Variants in TEX11 observed in about 807,000 individuals in gnomAD.
TEX11 encodes the protein testis-expressed protein 11.
TEX11 carries 7 observed loss-of-function variants against 84.4 expected under a neutral mutation model. The ratio of observed to expected loss-of-function variants is 0.08; its 90% CI spans 0.05 to 0.16. TEX11 has a LOEUF of 0.16. TEX11 is among the 10% of genes least tolerant of loss of function. The pLI is 1.00. For missense variants in TEX11, 551 were observed against 660.5 expected, an observed-to-expected ratio of 0.83 and a Z score of 1.82; for synonymous variants, 264 against 222.8, an observed-to-expected ratio of 1.18 and a Z score of -1.64.
At chrX:70,782,644 G>GAAAAA (rs1837658811) in intron 9 of TEX11, among the ~76,000 whole-genome samples, 3 of 3,031 alleles carry the variant, frequency 9.9e-4, no homozygotes, top group African/African-American at 6.6e-3. Flanking sequence ...CAAATGGAAA[G>GAAAAA]CAAAAAAAAA....
At chrX:70,783,643 T>C (rs1357474231) in intron 9 of TEX11, among the ~76,000 whole-genome samples, 2 of 111,588 alleles carry the variant, frequency 1.8e-5, no homozygotes, top group Non-Finnish European at 1.9e-5. Context: ...ACAAAGGGGA[T>C]ATCACCACTG....
intron 13 of TEX11, among the ~76,000 whole-genome samples, chrX:70,686,231 T>C (rs2090187438): frequency 8.9e-6 from 1 of 112,059 alleles, no homozygotes; most frequent in African/African-American, 3.2e-5. Flanking sequence ...TAAAGATATA[T>C]GCACACGTAT....
At chrX:70,775,122 A>G (rs1408225167) in intron 9 of TEX11, among the ~76,000 whole-genome samples, 1 of 112,142 alleles carries the variant, frequency 8.9e-6, no homozygotes, top group Non-Finnish European at 1.9e-5. Context: ...GGTGCTAGGA[A>G]AATTAGATAT....
At chrX:70,880,979 G>C (rs1162157471) in intron 2 of TEX11, among the ~76,000 whole-genome samples, 2 of 93,802 alleles carry the variant, frequency 2.1e-5, no homozygotes, top group Non-Finnish European at 4.1e-5. Flanking sequence ...TTTGAAACAG[G>C]CTGGGCAACA....
chrX:70,526,217 T>C (rs982282065), downstream of TEX11, among the ~76,000 whole-genome samples: 7 of 110,650 alleles, frequency 6.3e-5, no homozygotes, highest in African/African-American at 2.3e-4. Flanking sequence ...GTTGAAAGAG[T>C]TACAAATAGG....
chrX:70,621,583 AAAAT>A (rs1420864686), intron 20 of TEX11, among the ~76,000 whole-genome samples: 1 of 73,776 alleles, frequency 1.4e-5, no homozygotes, highest in African/African-American at 5.2e-5. Context: ...TATATAAATA[AAAAT>A]AAAATATTAA....
intron 28 of TEX11, among the ~76,000 whole-genome samples, chrX:70,535,484 TG>T (rs1273891656): frequency 1.2e-4 from 13 of 111,017 alleles, no homozygotes; most frequent in Non-Finnish European, 2.3e-4. Flanking sequence ...TGGTGGCTCA[TG>T]CCTATAATCC....
At chrX:70,571,547 G>A (rs1359359877) in intron 25 of TEX11, among the ~76,000 whole-genome samples, 2 of 111,371 alleles carry the variant, frequency 1.8e-5, no homozygotes, top group Non-Finnish European at 3.8e-5. Flanking sequence ...TTTCATTTTT[G>A]TTAAGTTCAA....
the TEX11 span, among the ~76,000 whole-genome samples, chrX:70,523,759 T>C: frequency 3.0e-5 from 3 of 100,203 alleles, no homozygotes; most frequent in African/African-American, 1.2e-4. Context: ...CCACTGCACC[T>C]GGCCCCCCTC....
At chrX:70,739,413 CTTTTTTTTTTT>C (rs35219972) in intron 11 of TEX11, among the ~76,000 whole-genome samples, 1 of 75,153 alleles carries the variant, frequency 1.3e-5, no homozygotes, top group East Asian at 4.6e-4. Flanking sequence ...TATTTCATTT[CTTTTTTTTTTT>C]TTTTTTGAGA....
intron 16 of TEX11, 150 bp from the exon 17 acceptor site, chrX:70,651,702 T>C: frequency 2.7e-6 from 1 of 374,210 alleles, no homozygotes; most frequent in Non-Finnish European, 4.7e-6. Context: ...GAAGTGCTCT[T>C]CTAGAATGCT....
At chrX:70,830,048 CCAAT>C (rs2091368844) in intron 8 of TEX11, among the ~76,000 whole-genome samples, 1 of 110,094 alleles carries the variant, frequency 9.1e-6, no homozygotes, top group African/African-American at 3.3e-5. Flanking sequence ...ACTAAACTCT[CCAAT>C]CAAAGGACAT....
At chrX:70,632,151 T>G (rs1030413366) in intron 17 of TEX11, among the ~76,000 whole-genome samples, 3 of 106,443 alleles carry the variant, frequency 2.8e-5, no homozygotes, top group Non-Finnish European at 5.8e-5. Flanking sequence ...ACATGACATA[T>G]CAAAATTTGT....
chrX:70,808,690 TC>T (rs2091235211), intron 8 of TEX11, among the ~76,000 whole-genome samples: 2 of 108,994 alleles, frequency 1.8e-5, no homozygotes, highest in Admixed American at 9.9e-5. Context: ...AATAGATACA[TC>T]TATCATATAC....
intron 2 of TEX11, among the ~76,000 whole-genome samples, chrX:70,892,201 G>T (rs1329205541): frequency 9.0e-6 from 1 of 111,641 alleles, no homozygotes; most frequent in Non-Finnish European, 1.9e-5. Context: ...AGCAAATGCT[G>T]AGGGATTTTG....
At chrX:70,596,938 A>G (rs1238088828) in intron 24 of TEX11, among the ~76,000 whole-genome samples, 1 of 111,710 alleles carries the variant, frequency 9.0e-6, no homozygotes, top group East Asian at 2.8e-4. Context: ...AGGAGGTATC[A>G]CTACTGACCT....
intron 28 of TEX11, among the ~76,000 whole-genome samples, chrX:70,534,526 C>G (rs752677526): frequency 2.3e-4 from 26 of 112,081 alleles, no homozygotes; most frequent in Non-Finnish European, 4.3e-4. Context: ...CAGCTACTGA[C>G]CTGAAAGCCA....
chrX:70,512,648 C>T, the TEX11 span, among the ~76,000 whole-genome samples: 5 of 108,666 alleles, frequency 4.6e-5, no homozygotes, highest in Admixed American at 9.8e-5. Flanking sequence ...TAACCCCTTC[C>T]CCTATCAGAC....
chrX:70,792,287 CAAAAAAAAAAA>C (rs1167182936), intron 9 of TEX11, among the ~76,000 whole-genome samples: 5 of 1,810 alleles, frequency 2.8e-3, no homozygotes, highest in Non-Finnish European at 8.9e-3. Context: ...GGCTCTGTCT[CAAAAAAAAAAA>C]AAAAAAAAAA....
Sources: allele counts gnomAD v4.1 joint callset (sites outside exome capture counted in the v4.1 genomes callset), GRCh38; gene constraint gnomAD v4.1.1; transcripts MANE v1.5; gene names NCBI Gene and HGNC (gene_info 2026-07-23, HGNC 2026-07-21).